The following WDPCP variants were observed in gnomAD, a reference collection of about 807,000 sequenced individuals.
WDPCP encodes the protein WD repeat containing planar cell polarity effector, also known as WD repeat-containing and planar cell polarity effector protein fritz homolog.
In WDPCP, 71 loss-of-function variants were observed where a neutral mutation model predicts 93.1. That is an observed-to-expected ratio of 0.76 (90% CI 0.63 to 0.93). WDPCP has a LOEUF of 0.93. Among genes scored for constraint, WDPCP ranks in the 40% least tolerant of loss-of-function variants. The probability of loss-of-function intolerance (pLI) is 0.00; values close to 1 mark genes in which losing one functional copy is unlikely to be tolerated. For missense variants in WDPCP, 844 were observed against 887.4 expected (o/e 0.95, Z 0.62); for synonymous variants, 315 against 315.0 (o/e 1.00, Z 0.00).
At chr2:63,782,579 T>C (rs1401913060) in intron 2 of WDPCP, among the ~76,000 whole-genome samples, 1 of 152,148 alleles carries the variant, frequency 6.6e-6, no homozygotes, top group Non-Finnish European at 1.5e-5. Context: ...ACATCACTAA[T>C]CATTAGAGAA....
chr2:63,488,686 G>T (rs1700705440), intron 2 of WDPCP, among the ~76,000 whole-genome samples: 1 of 151,672 alleles, frequency 6.6e-6, no homozygotes, highest in Non-Finnish European at 1.5e-5. Flanking sequence ...TCAATAAAAA[G>T]GCTTTTTTAA....
intron 15 of WDPCP, among the ~76,000 whole-genome samples, chr2:63,171,861 G>A (rs994591679): frequency 6.6e-6 from 1 of 152,120 alleles, no homozygotes; most frequent in Non-Finnish European, 1.5e-5. Context: ...CAGCAATTAA[G>A]AAGGAATAAA....
At chr2:63,247,046 A>G (rs1680333694) in intron 14 of WDPCP, among the ~76,000 whole-genome samples, 1 of 152,230 alleles carries the variant, frequency 6.6e-6, no homozygotes, top group African/African-American at 2.4e-5. Flanking sequence ...AAAACCAAAA[A>G]GAAATTTGTA....
At position 63,423,096 on chromosome 2, in the gene WDPCP, T is replaced by TG. The variant is rs1374503246; in HGVS notation, c.825+10648dup. Reference sequence around the variant, plus strand: ...ATGACAGAGCACATGGAGGTACTTCTGGGTGCCTGCACAGTTCTATTTCCT... The same window carrying TG: ...ATGACAGAGCACATGGAGGTACTTCTGGGGTGCCTGCACAGTTCTATTTCCT... On this transcript the variant is annotated intron_variant, in intron 9 of 17. Coordinates refer to ENST00000272321, the MANE Select transcript of WDPCP (RefSeq NM_015910.7). Among the ~76,000 whole-genome samples, 20 of 152,348 alleles carry TG rather than the reference T, an allele frequency of 1.3e-4. No homozygotes were observed. The South Asian group carries it at 4.1e-3, about 32-fold the overall frequency.
intron 2 of WDPCP, among the ~76,000 whole-genome samples, chr2:63,669,362 TATTTTA>T (rs1188761995): frequency 1.5e-5 from 1 of 66,916 alleles, no homozygotes; most frequent in Non-Finnish European, 2.9e-5. Context: ...TATTTTATTT[TATTTTA>T]TTTTTTTTTG....
chr2:63,326,289 C>A (rs570868327), intron 12 of WDPCP, among the ~76,000 whole-genome samples: 63 of 152,230 alleles, frequency 4.1e-4, no homozygotes, highest in African/African-American at 1.5e-3. Flanking sequence ...TTATGCCGCC[C>A]GAGATGATCT....
At chr2:63,158,846 T>A (rs77756925) in intron 15 of WDPCP, among the ~76,000 whole-genome samples, 22,193 of 151,776 alleles carry the variant, frequency 0.15, 1,980 homozygotes, top group Non-Finnish European at 0.21. Flanking sequence ...AGTTAAAAAA[T>A]TTTGTGGGGG....
At chr2:63,563,164 T>C (rs781065694) in intron 1 of WDPCP, among the ~76,000 whole-genome samples, 2 of 152,200 alleles carry the variant, frequency 1.3e-5, no homozygotes, top group Non-Finnish European at 2.9e-5. Flanking sequence ...TTTTGATGCA[T>C]ATACGACAGT....
chr2:63,800,545 G>A (rs1670680703), intron 2 of WDPCP, among the ~76,000 whole-genome samples: 1 of 152,108 alleles, frequency 6.6e-6, no homozygotes, highest in Non-Finnish European at 1.5e-5. Context: ...GAAGTATGTT[G>A]GAAAGATTAC....
intron 6 of WDPCP, among the ~76,000 whole-genome samples, chr2:63,448,631 G>A (rs551895770): frequency 1.6e-4 from 24 of 152,190 alleles, no homozygotes; most frequent in African/African-American, 5.8e-4. Context: ...GAATAAAAAC[G>A]ATCACTGAAA....
intron 14 of WDPCP, among the ~76,000 whole-genome samples, chr2:63,193,015 G>A (rs1266708109): frequency 6.6e-6 from 1 of 152,066 alleles, no homozygotes; most frequent in African/African-American, 2.4e-5. Flanking sequence ...GCTTTTTGGA[G>A]GCATAAAAAT....
chr2:63,680,688 A>T (rs1002707804), intron 2 of WDPCP, among the ~76,000 whole-genome samples: 1 of 152,064 alleles, frequency 6.6e-6, no homozygotes, highest in Non-Finnish European at 1.5e-5. Flanking sequence ...GGGACATGTG[A>T]CCCAGTGTGA....
intron 14 of WDPCP, among the ~76,000 whole-genome samples, chr2:63,222,493 G>T (rs1307135216): frequency 1.3e-5 from 2 of 152,188 alleles, no homozygotes; most frequent in Non-Finnish European, 2.9e-5. Context: ...TGTTTCACCT[G>T]CAGTTCTGGT....
chr2:63,462,215 C>A (rs1699063291), intron 6 of WDPCP, among the ~76,000 whole-genome samples: 1 of 152,118 alleles, frequency 6.6e-6, no homozygotes, highest in African/African-American at 2.4e-5. Context: ...ATGGATGAAG[C>A]TGGAAACCGT....
At chr2:63,785,597 C>T (rs1453605872) in intron 2 of WDPCP, among the ~76,000 whole-genome samples, 1 of 152,124 alleles carries the variant, frequency 6.6e-6, no homozygotes, top group Non-Finnish European at 1.5e-5. Context: ...GATAAACCCT[C>T]TCTGTTCTTC....
chr2:63,572,772 C>T (rs1320078978), intron 1 of WDPCP, among the ~76,000 whole-genome samples: 1 of 139,628 alleles, frequency 7.2e-6, no homozygotes, highest in African/African-American at 2.7e-5. Context: ...AGGGCAAAAT[C>T]ATGCAATATG....
intron 2 of WDPCP, among the ~76,000 whole-genome samples, chr2:63,651,955 A>G (rs1393260657): frequency 6.6e-6 from 1 of 152,226 alleles, no homozygotes. Context: ...TGGAGCTATA[A>G]TAACTTTCCT....
At chr2:63,611,122 G>A (rs112446864) in intron 3 of WDPCP, among the ~76,000 whole-genome samples, 5 of 152,220 alleles carry the variant, frequency 3.3e-5, no homozygotes, top group African/African-American at 1.2e-4. Flanking sequence ...AAGCTATATA[G>A]ATACCTGCAG....
chr2:63,721,026 T>A (rs758314011), intron 2 of WDPCP, among the ~76,000 whole-genome samples: 10 of 152,238 alleles, frequency 6.6e-5, no homozygotes, highest in Non-Finnish European at 1.5e-4. Context: ...CAAGTGTTAA[T>A]AGGGACATTT....
Sources: allele counts gnomAD v4.1 joint callset (sites outside exome capture counted in the v4.1 genomes callset), GRCh38; gene constraint gnomAD v4.1.1; transcripts MANE v1.5; gene names NCBI Gene and HGNC (gene_info 2026-07-23, HGNC 2026-07-21).